RASSF8: variants seen among roughly 807,000 people sequenced by gnomAD.
RASSF8 encodes the protein Ras association domain family member 8, also known as ras association domain-containing protein 8.
A neutral mutation model predicts 48.5 loss-of-function variants in RASSF8; 22 were observed. The ratio of observed to expected loss-of-function variants is 0.45; its 90% CI spans 0.32 to 0.65. The LOEUF is 0.65. RASSF8 is among the 30% of genes least tolerant of loss of function. The pLI is 0.03. For synonymous variants in RASSF8, 127 were observed against 171.5 expected, an observed-to-expected ratio of 0.74 and a Z score of 2.03; for missense variants, 418 against 489.2, an observed-to-expected ratio of 0.85 and a Z score of 1.37.
intron 1 of RASSF8, among the ~76,000 whole-genome samples, chr12:25,984,224 C>CTTT (rs57275940): frequency 1.2e-5 from 1 of 86,716 alleles, no homozygotes; most frequent in Non-Finnish European, 2.2e-5. Context: ...CTACACGTAG[C>CTTT]TTTTTTTTTT....
At chr12:25,988,097 G>A (rs1000734438) in intron 1 of RASSF8, among the ~76,000 whole-genome samples, 10 of 150,862 alleles carry the variant, frequency 6.6e-5, no homozygotes, top group African/African-American at 9.8e-5. Flanking sequence ...TCCTGACCTC[G>A]TGATCTGCCT....
chr12:26,055,499 G>T lies in RASSF8; in HGVS notation c.103+53G>T, dbSNP rs929233392. 19 of 1,403,608 alleles carry T rather than the reference G, an allele frequency of 1.4e-5. 1 individual carries two copies. The South Asian group carries it at 2.1e-4, about 15-fold the overall frequency. 86.9% of individuals were successfully genotyped at this position (1,403,608 alleles called of 1,614,324 possible). A position where few individuals can be genotyped will look rare whatever the true frequency, so the allele number is the denominator to read the frequency against. ...AAAGTACATTGTGCTTTCTTTCGTT[G>T]TATGTGTTTGTTTTAAATATAGATT... On this transcript the variant is annotated intron_variant, in intron 3 of 5. Transcript: ENST00000689635.
At chr12:26,059,388 T>C (rs61123975) in intron 3 of RASSF8, among the ~76,000 whole-genome samples, 22,820 of 152,194 alleles carry the variant, frequency 0.15, 1,942 homozygotes, top group Admixed American at 0.23. Context: ...AAAATATCAA[T>C]TTCAGAAATT....
At chr12:26,054,498 C>T (rs1310553332) in intron 2 of RASSF8, among the ~76,000 whole-genome samples, 1 of 152,166 alleles carries the variant, frequency 6.6e-6, no homozygotes, top group Non-Finnish European at 1.5e-5. Context: ...ATAAACAGTT[C>T]ACACATGAGG....
At chr12:25,981,556 G>A (rs1941745045) in intron 1 of RASSF8, among the ~76,000 whole-genome samples, 1 of 152,164 alleles carries the variant, frequency 6.6e-6, no homozygotes, top group African/African-American at 2.4e-5. Flanking sequence ...TATTCTCAGG[G>A]TATGCTTAAG....
chr12:26,074,751 C>T (rs7138742), downstream of RASSF8, among the ~76,000 whole-genome samples: 48,790 of 151,724 alleles, frequency 0.32, 9,259 homozygotes, highest in Non-Finnish European at 0.43. Flanking sequence ...GAGATACTTA[C>T]CCCAACCCAG....
exon 6 of RASSF8, chr12:26,079,787 A>C (rs1400219686): frequency 1.3e-5 from 2 of 152,146 alleles, no homozygotes; most frequent in East Asian, 1.9e-4. Context: ...GGTCTGGAGA[A>C]AAGGGAATTT....
rs1238856880 is a variant in RASSF8 at position 26,001,044 on chromosome 12, G to A, written c.-109+5914G>A. On this transcript the variant is annotated intron_variant, in intron 2 of 5. Transcript: ENST00000689635. The stretch of plus-strand genomic sequence containing the variant: ...CTGTCACCCAGGCTGGAGTGCAGTG[G>A]CATTGTCACAGCTCACTGAAGCCTT... Among the ~76,000 whole-genome samples, 4 of 141,964 alleles carry A rather than the reference G, an allele frequency of 2.8e-5. No homozygotes were observed. In the East Asian group the frequency reaches 8.2e-4, roughly 29 times the overall value. 93.1% of individuals were successfully genotyped at this position (141,964 alleles called of 152,430 possible). A position where few individuals can be genotyped will look rare whatever the true frequency, so the allele number is the denominator to read the frequency against.
chr12:26,079,274 C>G, exon 6 of RASSF8: 1 of 431,432 alleles, frequency 2.3e-6, no homozygotes, highest in East Asian at 3.7e-5. Flanking sequence ...TTAAAGAAAA[C>G]AAATAATCCA....
intron 2 of RASSF8, among the ~76,000 whole-genome samples, chr12:26,040,839 C>T (rs1292636897): frequency 6.6e-6 from 1 of 151,090 alleles, no homozygotes; most frequent in Non-Finnish European, 1.5e-5. Flanking sequence ...ATGATTTTTG[C>T]GTAGTTTATT....
rs1296604803 is a variant in RASSF8, at chr12:26,070,318, A to C, written c.*1500A>C. ...ACTGACTTTGGTTTAGTGAATGCTG[A>C]CAATGCTGCTCTACTTAGGTTTCCT... On this transcript the variant is annotated 3_prime_UTR_variant, in exon 6 of 6. Transcript: ENST00000689635. 1 of 985,408 alleles carries C rather than the reference A, an allele frequency of 1.0e-6. No individual in the cohort carries two copies. The highest frequency in any genetic ancestry group is 1.2e-6 in the Non-Finnish European group (1 of 829,898). 61.0% of individuals were successfully genotyped at this position (985,408 alleles called of 1,614,324 possible). A position where few individuals can be genotyped will look rare whatever the true frequency, so the allele number is the denominator to read the frequency against.
Position 26,070,062 on chromosome 12 carries a change from C to T in RASSF8, c.*1244C>T. 16 of 983,180 alleles carry T rather than the reference C, an allele frequency of 1.6e-5. No individual in the cohort carries two copies. The highest frequency in any genetic ancestry group is 1.9e-5 in the Non-Finnish European group (16 of 827,918). 60.9% of individuals were successfully genotyped at this position (983,180 alleles called of 1,614,324 possible). A position where few individuals can be genotyped will look rare whatever the true frequency, so the allele number is the denominator to read the frequency against. On this transcript the variant is annotated 3_prime_UTR_variant, in exon 6 of 6. Coordinates refer to ENST00000689635, the MANE Select transcript of RASSF8 (RefSeq NM_001394098.1). ...CTAAGATTTACAAGTAATATTTAGA[C>T]AGATTCAGTCAGACACCACTTAGCC...
At chr12:25,986,559 T>C (rs1468608900) in intron 1 of RASSF8, among the ~76,000 whole-genome samples, 1 of 152,202 alleles carries the variant, frequency 6.6e-6, no homozygotes, top group Non-Finnish European at 1.5e-5. Context: ...AGGCCTATGA[T>C]GTGCAGGCTG....
rs1944019070 is a variant in RASSF8, at chr12:26,072,456, T to C, written c.*3638T>C. ...TATATATTTTTAGAAACCAAATAAA[T>C]GCAGAAAACTATTTCGTATACTAAT... On this transcript the variant is annotated 3_prime_UTR_variant, in exon 6 of 6. Transcript: ENST00000689635. 1.0e-6 allele frequency: 1 copy of C among 968,614 alleles called. No individual in the cohort carries two copies. The highest frequency in any genetic ancestry group is 4.8e-5 in the South Asian group (1 of 20,926). 60.0% of individuals were successfully genotyped at this position (968,614 alleles called of 1,614,324 possible). A position where few individuals can be genotyped will look rare whatever the true frequency, so the allele number is the denominator to read the frequency against.
intron 3 of RASSF8, among the ~76,000 whole-genome samples, chr12:26,058,538 GCACACACACA>G (rs61465811): frequency 0.036 from 5,431 of 149,098 alleles, 534 homozygotes; most frequent in East Asian, 0.29. Context: ...ACGCGCGCGC[GCACACACACA>G]CACACACACA....
Position 26,055,337 on chromosome 12 carries a change from G to A in RASSF8, c.-7G>A, listed in dbSNP as rs1350233541. On this transcript the variant is annotated 5_prime_UTR_variant, in exon 3 of 6. It adds an upstream start codon to the 5' untranslated region. Coordinates refer to ENST00000689635, the MANE Select transcript of RASSF8 (RefSeq NM_001394098.1). ...CTCAGGGACCTTGAGTGACTGGCCGGTGCACCATGGAACTTAAAGTATGGG... is the reference window on the plus strand; with the variant it reads ...CTCAGGGACCTTGAGTGACTGGCCGATGCACCATGGAACTTAAAGTATGGG... 1.2e-6 allele frequency: 2 copies of A among 1,612,534 alleles called. No homozygotes were observed. Among genetic ancestry groups the A allele is most frequent in the South Asian group, 2.2e-5 (2 of 91,048 alleles).
intron 2 of RASSF8, among the ~76,000 whole-genome samples, chr12:26,018,723 C>T (rs1269928733): frequency 2.0e-5 from 3 of 152,170 alleles, no homozygotes; most frequent in Non-Finnish European, 4.4e-5. Context: ...ATTACCTGCC[C>T]ACCACAGGAG....
At chr12:25,995,361 C>T (rs921752966) in intron 2 of RASSF8, among the ~76,000 whole-genome samples, 3 of 152,004 alleles carry the variant, frequency 2.0e-5, no homozygotes, top group Non-Finnish European at 4.4e-5. Context: ...AAATTTGGGT[C>T]GACACTAAAA....
chr12:26,042,807 G>A (rs542589305), intron 2 of RASSF8, among the ~76,000 whole-genome samples: 1 of 152,082 alleles, frequency 6.6e-6, no homozygotes, highest in Non-Finnish European at 1.5e-5. Context: ...AGTGTGTTGG[G>A]ATATATTTAA....
Sources: allele counts gnomAD v4.1 joint callset (sites outside exome capture counted in the v4.1 genomes callset), GRCh38; gene constraint gnomAD v4.1.1; transcripts MANE v1.5; gene names NCBI Gene and HGNC (gene_info 2026-07-23, HGNC 2026-07-21).